CNTN1: variants seen among roughly 807,000 people sequenced by gnomAD.
CNTN1 encodes the protein contactin 1, also known as contactin-1.
In CNTN1, 38 loss-of-function variants were observed where a neutral mutation model predicts 126.4. The ratio of observed to expected loss-of-function variants is 0.30; its 90% CI spans 0.23 to 0.39. The LOEUF (loss-of-function observed/expected upper bound fraction) is 0.39. Ranked by LOEUF, CNTN1 falls within the 10% of genes least tolerant of loss-of-function variation. The probability of loss-of-function intolerance (pLI) is 1.00; values close to 1 mark genes in which losing one functional copy is unlikely to be tolerated. For missense variants in CNTN1, 1,009 were observed against 1,248.4 expected (o/e 0.81, Z 2.89); for synonymous variants, 413 against 422.6 (o/e 0.98, Z 0.28).
At chr12:40,848,831 T>TTC (rs1942612482) in intron 1 of CNTN1, among the ~76,000 whole-genome samples, 1 of 151,750 alleles carries the variant, frequency 6.6e-6, no homozygotes, top group South Asian at 2.1e-4. Context: ...GTGTGTTTTT[T>TTC]TTTTTTTTTT....
chr12:40,804,890 A>G (rs1172954130), intron 1 of CNTN1, among the ~76,000 whole-genome samples: 1 of 151,736 alleles, frequency 6.6e-6, no homozygotes, highest in East Asian at 1.9e-4. Flanking sequence ...TTTTGCCTGC[A>G]TTTTTGAAAG....
intron 15 of CNTN1, among the ~76,000 whole-genome samples, chr12:40,976,343 A>G (rs1232188100): frequency 1.3e-5 from 2 of 152,132 alleles, no homozygotes; most frequent in Non-Finnish European, 2.9e-5. Context: ...CAACTGACCA[A>G]TTTCTCTCTT....
intron 1 of CNTN1, among the ~76,000 whole-genome samples, chr12:40,786,340 C>T (rs140106286): frequency 1.2e-3 from 185 of 152,292 alleles, no homozygotes; most frequent in African/African-American, 4.2e-3. Context: ...CTTCTCACAT[C>T]ACATCTCTCT....
At chr12:41,009,638 C>T (rs1948596391) in intron 17 of CNTN1, among the ~76,000 whole-genome samples, 1 of 152,196 alleles carries the variant, frequency 6.6e-6, no homozygotes, top group Non-Finnish European at 1.5e-5. Context: ...GTTTTATGTG[C>T]TCCTAACATT....
At chr12:40,768,752 G>A (rs960291638) in intron 1 of CNTN1, among the ~76,000 whole-genome samples, 1 of 152,180 alleles carries the variant, frequency 6.6e-6, no homozygotes, top group Non-Finnish European at 1.5e-5. Context: ...CAGCTGAAAG[G>A]CTGACTTCTC....
At chr12:40,775,607 G>A (rs1041007479) in intron 1 of CNTN1, among the ~76,000 whole-genome samples, 2 of 151,324 alleles carry the variant, frequency 1.3e-5, no homozygotes, top group African/African-American at 4.8e-5. Context: ...CTAATCACAA[G>A]TAAAATATGA....
At chr12:40,727,675 C>A (rs1942393868) in intron 1 of CNTN1, among the ~76,000 whole-genome samples, 1 of 152,088 alleles carries the variant, frequency 6.6e-6, no homozygotes, top group African/African-American at 2.4e-5. Flanking sequence ...AGGCCATAGA[C>A]AAATTGTTGA....
At chr12:41,016,279 A>G (rs1395863287) in intron 18 of CNTN1, among the ~76,000 whole-genome samples, 1 of 152,188 alleles carries the variant, frequency 6.6e-6, no homozygotes, top group Non-Finnish European at 1.5e-5. Flanking sequence ...TTAAAGAAAA[A>G]CAATAGGTAG....
intron 1 of CNTN1, among the ~76,000 whole-genome samples, chr12:40,771,782 A>T (rs535914460): frequency 1.2e-4 from 19 of 152,186 alleles, no homozygotes; most frequent in African/African-American, 3.8e-4. Context: ...TATGAGATCT[A>T]TTATAATTAT....
intron 7 of CNTN1, among the ~76,000 whole-genome samples, chr12:40,932,309 G>T (rs1235061560): frequency 6.6e-6 from 1 of 151,908 alleles, no homozygotes; most frequent in Non-Finnish European, 1.5e-5. Context: ...GTTGTATAAA[G>T]GGGAGTTCCC....
intron 1 of CNTN1, among the ~76,000 whole-genome samples, chr12:40,859,314 A>G (rs1344653314): frequency 6.6e-6 from 1 of 152,086 alleles, no homozygotes; most frequent in Non-Finnish European, 1.5e-5. Flanking sequence ...TATGGACTTT[A>G]GTTAATAAAT....
At chr12:41,045,270 A>G (rs892121013) in intron 23 of CNTN1, among the ~76,000 whole-genome samples, 8 of 152,112 alleles carry the variant, frequency 5.3e-5, no homozygotes, top group African/African-American at 1.9e-4. Flanking sequence ...AGATATATGC[A>G]TCAACCATCA....
intron 22 of CNTN1, 76 bp from the exon 23 acceptor site, chr12:41,028,987 T>C: frequency 7.2e-7 from 1 of 1,390,368 alleles, no homozygotes. Context: ...TAAGCATTTT[T>C]ATTCTGGTTT....
At position 40,993,161 on chromosome 12, in the gene CNTN1, G is replaced by A. The variant is rs777561409; in HGVS notation, c.2005G>A (p.Val669Met). The A allele has an allele frequency of 9.3e-6, 15 of 1,613,718 alleles. No homozygotes were observed. The South Asian group carries it at 1.6e-4, about 18-fold the overall frequency. Residue 669 changes from valine (V) to methionine (M), a missense_variant, in exon 17 of 24, where the codon GTG (valine) becomes ATG (methionine). By Grantham distance (21) the Val-to-Met change is conservative. Transcript: ENST00000551295. The part of the protein sequence containing the change: ...IEGNMEAARA[V>M]DLIPWMEYEF... ...AGGAAATATGGAGGCAGCAAGAGCA[G>A]TGGACTTAATCCCATGGATGGAGTA...
At chr12:40,962,679 G>A (rs915282571) in intron 15 of CNTN1, among the ~76,000 whole-genome samples, 1 of 152,074 alleles carries the variant, frequency 6.6e-6, no homozygotes, top group African/African-American at 2.4e-5. Context: ...GCATAAATGT[G>A]TACTTATAGA....
At chr12:40,694,864 G>A (rs1941409651) in intron 1 of CNTN1, among the ~76,000 whole-genome samples, 1 of 152,100 alleles carries the variant, frequency 6.6e-6, no homozygotes. Flanking sequence ...GTTGCTATGA[G>A]GGCCATAAAA....
chr12:41,020,314 A>G (rs948859721), intron 19 of CNTN1, 23 bp from the exon 20 acceptor site: 2 of 1,445,894 alleles, frequency 1.4e-6, no homozygotes. Context: ...CACTAATAAT[A>G]TAATGTTCTC....
At chr12:40,948,824 C>G (rs548051251) in intron 14 of CNTN1, among the ~76,000 whole-genome samples, 51 of 152,332 alleles carry the variant, frequency 3.3e-4, no homozygotes, top group Middle Eastern at 3.4e-3. Context: ...ACTTCATTCT[C>G]CCTACACTGT....
intron 15 of CNTN1, among the ~76,000 whole-genome samples, chr12:40,976,811 C>T (rs1212533420): frequency 6.6e-6 from 1 of 152,170 alleles, no homozygotes; most frequent in Non-Finnish European, 1.5e-5. Flanking sequence ...GTCCGACCGT[C>T]CACGTTTGTC....
Sources: allele counts gnomAD v4.1 joint callset (sites outside exome capture counted in the v4.1 genomes callset), GRCh38; gene constraint gnomAD v4.1.1; transcripts MANE v1.5; gene names NCBI Gene and HGNC (gene_info 2026-07-23, HGNC 2026-07-21).